PPFIBP1: variants seen among roughly 807,000 people sequenced by gnomAD.
PPFIBP1 encodes liprin-beta-1.
A neutral mutation model predicts 137.8 loss-of-function variants in PPFIBP1; 112 were observed. That is an observed-to-expected ratio of 0.81 (90% confidence interval 0.70 to 0.95). PPFIBP1 has a LOEUF of 0.95. PPFIBP1 is among the 40% of genes least tolerant of loss of function. The pLI is 0.00. For synonymous variants in PPFIBP1, 378 were observed against 417.3 expected (o/e 0.91, Z 1.15); for missense variants, 1,083 against 1,196.6 (o/e 0.91, Z 1.40).
chr12:27,646,163 A>G lies in PPFIBP1; in HGVS notation c.357+15A>G. ...TCGTTCTTCAGGCAAGTGATTTTTA[A>G]ATACTGTTCTTTCCTTGCAGCATAC... On this transcript the variant is annotated intron_variant, in intron 5 of 29. Coordinates refer to ENST00000228425, the MANE Select transcript of PPFIBP1 (RefSeq NM_003622.4). The G allele has an allele frequency of 6.4e-7, 1 of 1,573,562 alleles. No individual in the cohort carries two copies. The highest frequency in any genetic ancestry group is 8.7e-7 in the Non-Finnish European group (1 of 1,144,166).
rs186916707 is a variant in PPFIBP1 at position 27,631,398 on chromosome 12, G to A, written c.-35-1964G>A. On this transcript the variant is annotated intron_variant, in intron 2 of 29. Coordinates refer to ENST00000228425, the MANE Select transcript of PPFIBP1 (RefSeq NM_003622.4). ...TTAATTTGCAAAGCCTTCCAAATTG[G>A]ACCCCCTTATCCTACTCCATTTTTC... Among the ~76,000 whole-genome samples, 454 of 152,182 alleles carry A rather than the reference G, an allele frequency of 3.0e-3. 2 individuals are homozygous for A. The highest frequency in any genetic ancestry group is 6.8e-3 in the Middle Eastern group (2 of 294).
At chr12:27,531,226 T>C (rs1424065927) in intron 1 of PPFIBP1, among the ~76,000 whole-genome samples, 1 of 152,224 alleles carries the variant, frequency 6.6e-6, no homozygotes, top group East Asian at 1.9e-4. Context: ...CTCAGCTTTC[T>C]CATCTATAAA....
intron 12 of PPFIBP1, among the ~76,000 whole-genome samples, chr12:27,665,316 T>C (rs1019361115): frequency 1.6e-4 from 25 of 152,174 alleles, no homozygotes; most frequent in Middle Eastern, 3.4e-3. Flanking sequence ...TAGTTGCTGA[T>C]TGGGAATATG....
At chr12:27,651,132 A>G (rs2058851928) in intron 7 of PPFIBP1, among the ~76,000 whole-genome samples, 1 of 152,224 alleles carries the variant, frequency 6.6e-6, no homozygotes, top group South Asian at 2.1e-4. Context: ...AGTTCTTTAT[A>G]TTGGAAATAA....
intron 1 of PPFIBP1, among the ~76,000 whole-genome samples, chr12:27,561,807 C>T (rs1172841352): frequency 6.6e-6 from 1 of 152,122 alleles, no homozygotes; most frequent in African/African-American, 2.4e-5. Context: ...TCATTTCCTT[C>T]ACAGCCTTCC....
In PPFIBP1 at chr12:27,676,604, G is replaced by A. The variant is rs1239677815; in HGVS notation, c.1582+5G>A. ...CAGCAAGTGCACCAAACTTAGGTAC[G>A]TATGACCAAAATGCCTTTGCCCTAA... is the stretch of plus-strand genomic sequence containing the variant. On this transcript the variant is annotated splice_donor_5th_base_variant and intron_variant, in intron 18 of 29. Transcript: ENST00000228425. 5 of 1,558,272 alleles carry A rather than the reference G, an allele frequency of 3.2e-6. No individual in the cohort carries two copies. The highest frequency in any genetic ancestry group is 1.7e-4 in the Middle Eastern group (1 of 5,802).
intron 1 of PPFIBP1, among the ~76,000 whole-genome samples, chr12:27,535,169 C>T (rs1288364930): frequency 2.0e-5 from 3 of 152,056 alleles, no homozygotes; most frequent in Non-Finnish European, 4.4e-5. Context: ...ATTCAAAAGG[C>T]AAGAAAAAAG....
intron 1 of PPFIBP1, among the ~76,000 whole-genome samples, chr12:27,569,920 T>G (rs2049999442): frequency 6.6e-6 from 1 of 152,224 alleles, no homozygotes. Context: ...GTCTTTAGCA[T>G]TATAGCCTTG....
chr12:27,658,078 A>G (rs543505974), intron 9 of PPFIBP1, among the ~76,000 whole-genome samples: 9 of 149,430 alleles, frequency 6.0e-5, no homozygotes, highest in African/African-American at 2.0e-4. Flanking sequence ...TCGAGGCTGT[A>G]GTGAGCTATG....
chr12:27,618,635 C>T (rs187526512), intron 2 of PPFIBP1, among the ~76,000 whole-genome samples: 25 of 152,326 alleles, frequency 1.6e-4, no homozygotes, highest in African/African-American at 5.3e-4. Context: ...CCTTTCTGGA[C>T]TGAACCAATG....
At chr12:27,625,710 A>G (rs1299424006) in intron 2 of PPFIBP1, among the ~76,000 whole-genome samples, 2 of 151,506 alleles carry the variant, frequency 1.3e-5, no homozygotes, top group Non-Finnish European at 2.9e-5. Flanking sequence ...TAGCCTCCCG[A>G]GTAGCTGGGA....
chr12:27,689,570 G>A (rs755301932), intron 27 of PPFIBP1, among the ~76,000 whole-genome samples: 3 of 152,132 alleles, frequency 2.0e-5, no homozygotes, highest in Non-Finnish European at 2.9e-5. Context: ...AAGAGAATGA[G>A]CCCAAGAGTT....
intron 2 of PPFIBP1, among the ~76,000 whole-genome samples, chr12:27,585,737 C>G (rs774502310): frequency 2.0e-5 from 3 of 152,140 alleles, no homozygotes; most frequent in African/African-American, 4.8e-5. Context: ...CTCTGTTCTA[C>G]GGAGGAGCTT....
At position 27,691,741 on chromosome 12, in the gene PPFIBP1, T is replaced by C; in HGVS notation, c.2686-8T>C. On this transcript the variant is annotated splice_region_variant and splice_polypyrimidine_tract_variant and intron_variant, in intron 27 of 29. Coordinates refer to ENST00000228425, the MANE Select transcript of PPFIBP1 (RefSeq NM_003622.4). Reference sequence around the variant, plus strand: ...CTTTGGATGTTTTTGTTTGCTTTTCTTTTAAAGCCAAAGAAACTTGCCTTT... The same window carrying C: ...CTTTGGATGTTTTTGTTTGCTTTTCCTTTAAAGCCAAAGAAACTTGCCTTT... 2 of 1,601,940 alleles carry C rather than the reference T, an allele frequency of 1.2e-6. No homozygotes were observed. The highest frequency in any genetic ancestry group is 1.7e-6 in the Non-Finnish European group (2 of 1,174,022).
At chr12:27,630,105 C>T (rs2057155849) in intron 2 of PPFIBP1, among the ~76,000 whole-genome samples, 1 of 151,836 alleles carries the variant, frequency 6.6e-6, no homozygotes, top group South Asian at 2.1e-4. Context: ...TCCTACCTTA[C>T]CTGTCAATTC....
At chr12:27,640,290 T>A (rs1324973188) in intron 4 of PPFIBP1, among the ~76,000 whole-genome samples, 2 of 152,074 alleles carry the variant, frequency 1.3e-5, no homozygotes, top group South Asian at 2.1e-4. Flanking sequence ...AGAAAGAAAA[T>A]GTGACAAGAA....
intron 1 of PPFIBP1, among the ~76,000 whole-genome samples, chr12:27,549,946 G>A (rs903675829): frequency 1.1e-4 from 17 of 152,188 alleles, no homozygotes; most frequent in Admixed American, 3.3e-4. Flanking sequence ...GTAACCTCCC[G>A]GAGAGTCAGG....
chr12:27,679,954 T>C lies in PPFIBP1; in HGVS notation c.1788T>C (p.Thr596=). The change falls in exon 21 of 30, where the codon ACT becomes ACC. Residue 596 remains threonine (T), a synonymous_variant. Transcript: ENST00000228425. ...TTAGACTTAGGAGAAGTCAATCAAC[T>C]ACATTCAACCCAGATGACATGTCTG... ...LFGKLRRSQS[T]TFNPDDMSEP... 2 of 1,614,102 alleles carry C rather than the reference T, an allele frequency of 1.2e-6. No homozygotes were observed. The highest frequency in any genetic ancestry group is 1.1e-5 in the South Asian group (1 of 91,074).
rs143847599 is a variant in PPFIBP1 at position 27,647,774 on chromosome 12, C to T, written c.403C>T (p.Arg135Ter). 1.9e-5 allele frequency: 30 copies of T among 1,610,308 alleles called. No homozygotes were observed. The highest frequency in any genetic ancestry group is 2.7e-5 in the African/African-American group (2 of 74,616). The change falls in exon 6 of 30, where the codon CGA (arginine) becomes TGA (stop). Residue 135 changes from arginine (R) to a stop codon, truncating the protein, a stop_gained. Coordinates refer to ENST00000228425, the MANE Select transcript of PPFIBP1 (RefSeq NM_003622.4). LOFTEE classifies it high-confidence loss of function. ...GGTGGAGGCTCAGGGAGAGAAGATT[C>T]GAGATTTGGAGTTTTGTCTTGAAGA... ...DQVEAQGEKI[R>*]DLEFCLEEHR... is the part of the protein sequence containing the mutation.
Sources: allele counts gnomAD v4.1 joint callset (sites outside exome capture counted in the v4.1 genomes callset), GRCh38; gene constraint gnomAD v4.1.1; transcripts MANE v1.5; gene names NCBI Gene and HGNC (gene_info 2026-07-23, HGNC 2026-07-21).